Variants in ANKRD26 observed in about 807,000 individuals in gnomAD.
ANKRD26 encodes ankyrin repeat domain 26.
A neutral mutation model predicts 208.7 loss-of-function variants in ANKRD26; 141 were observed. That is an observed-to-expected ratio of 0.68 (90% CI 0.59 to 0.78). The LOEUF (loss-of-function observed/expected upper bound fraction) is 0.78, where lower values mean the gene tolerates loss of function less well. Ranked by LOEUF, ANKRD26 falls within the 30% of genes least tolerant of loss-of-function variation. ANKRD26 has a pLI of 0.00. For synonymous variants in ANKRD26, 636 were observed against 660.4 expected, an observed-to-expected ratio of 0.96 and a Z score of 0.57; for missense variants, 1,889 against 1,938.7, an observed-to-expected ratio of 0.97 and a Z score of 0.48.
At chr10:26,958,483 C>A in the ANKRD26 span, among the ~76,000 whole-genome samples, 1 of 152,020 alleles carries the variant, frequency 6.6e-6, no homozygotes, top group African/African-American at 2.4e-5. Flanking sequence ...GTGTTGTTCC[C>A]CCCAGTGTGC....
At chr10:26,967,056 G>A in the ANKRD26 span, among the ~76,000 whole-genome samples, 5 of 152,288 alleles carry the variant, frequency 3.3e-5, no homozygotes, top group Admixed American at 2.0e-4. Flanking sequence ...ACCCGATGAC[G>A]TGTGAGTATC....
In ANKRD26 at chr10:26,985,829, C is replaced by T. The variant is rs377574127; in HGVS notation, c.490-3016G>A. Among the ~76,000 whole-genome samples the T allele has an allele frequency of 3.3e-5, 5 of 152,052 alleles. No individual in the cohort carries two copies. The East Asian group carries it at 7.7e-4, about 23-fold the overall frequency. On this transcript the variant is annotated intron_variant and NMD_transcript_variant, in intron 3 of 5. Transcript: ENST00000674670. ...ATACTTTCAACAGCCTTGTCTTTTG[C>T]CAGTTGAAAAGCTTGGGTCAGGGAC...
At chr10:27,037,426 A>G in intron 22 of ANKRD26, 103 bp from the exon 23 acceptor site, 1 of 1,239,128 alleles carries the variant, frequency 8.1e-7, no homozygotes, top group Non-Finnish European at 1.1e-6. Flanking sequence ...AGGAAATAGC[A>G]CATTAAAATG....
At chr10:26,956,007 C>T in the ANKRD26 span, among the ~76,000 whole-genome samples, 1 of 152,026 alleles carries the variant, frequency 6.6e-6, no homozygotes, top group Non-Finnish European at 1.5e-5. Flanking sequence ...TATTATTAGT[C>T]TAATTATAAA....
At chr10:27,073,130 C>T (rs2055566183) in intron 9 of ANKRD26, among the ~76,000 whole-genome samples, 1 of 152,202 alleles carries the variant, frequency 6.6e-6, no homozygotes, top group Non-Finnish European at 1.5e-5. Context: ...AGAAACCAGA[C>T]TGCAGGCCTT....
At chr10:27,009,822 C>A (rs1025894469) in intron 32 of ANKRD26, among the ~76,000 whole-genome samples, 1 of 151,970 alleles carries the variant, frequency 6.6e-6, no homozygotes, top group Non-Finnish European at 1.5e-5. Context: ...CTTCAGGTGG[C>A]GGAGGCAGCC....
chr10:27,073,495 C>G (rs575139211), intron 9 of ANKRD26, among the ~76,000 whole-genome samples: 1 of 152,290 alleles, frequency 6.6e-6, no homozygotes, highest in Admixed American at 6.5e-5. Context: ...AACACCTGGT[C>G]AAGAGTGTGA....
downstream of ANKRD26, among the ~76,000 whole-genome samples, chr10:26,989,021 A>T (rs1467545950): frequency 6.6e-6 from 1 of 152,082 alleles, no homozygotes; most frequent in African/African-American, 2.4e-5. Context: ...CCCTTTTGAG[A>T]TAATCTTCTA....
At chr10:26,965,167 T>C in the ANKRD26 span, among the ~76,000 whole-genome samples, 1 of 152,196 alleles carries the variant, frequency 6.6e-6, no homozygotes, top group African/African-American at 2.4e-5. Flanking sequence ...AGAGCCCTCA[T>C]TGCCAAGTCA....
rs147043356 is a variant in ANKRD26, at chr10:27,097,859, G to A, written c.242+2226C>T. ...ACTACAGAAGGGTTTCACTACGTTG[G>A]CCAGGATGGTCTTGAATTCCTGGAC... On this transcript the variant is annotated intron_variant, in intron 1 of 33. Transcript: ENST00000376087. Among the ~76,000 whole-genome samples, 113 of 152,192 alleles carry A rather than the reference G, an allele frequency of 7.4e-4. 2 individuals are homozygous for A. The East Asian group carries it at 0.02, about 27-fold the overall frequency.
chr10:27,008,246 G>C (rs986875372), intron 32 of ANKRD26, among the ~76,000 whole-genome samples: 1 of 151,774 alleles, frequency 6.6e-6, no homozygotes, highest in Non-Finnish European at 1.5e-5. Context: ...AAAAATGTTA[G>C]GTATGAAGAT....
chr10:26,972,992 G>A (rs2052172994), downstream of ANKRD26, among the ~76,000 whole-genome samples: 1 of 152,120 alleles, frequency 6.6e-6, no homozygotes, highest in South Asian at 2.1e-4. Flanking sequence ...ACTACCACTT[G>A]CCATACCATG....
At chr10:26,984,791 G>A (rs1448823178) in intron 3 of ANKRD26, among the ~76,000 whole-genome samples, 1 of 152,138 alleles carries the variant, frequency 6.6e-6, no homozygotes. Flanking sequence ...TGTAAGGAGT[G>A]CCAGGAGGAG....
At chr10:27,081,953 G>A (rs1479698724) in intron 6 of ANKRD26, among the ~76,000 whole-genome samples, 2 of 151,138 alleles carry the variant, frequency 1.3e-5, no homozygotes, top group Non-Finnish European at 2.9e-5. Context: ...AGCCAGGCTG[G>A]TCTCGATCTC....
At chr10:26,947,670 C>A in the ANKRD26 span, among the ~76,000 whole-genome samples, 1 of 152,142 alleles carries the variant, frequency 6.6e-6, no homozygotes, top group African/African-American at 2.4e-5. Flanking sequence ...AGTGAGGAAG[C>A]GGCATGAGCT....
At chr10:27,050,568 C>T (rs2054619414) in intron 16 of ANKRD26, among the ~76,000 whole-genome samples, 1 of 152,206 alleles carries the variant, frequency 6.6e-6, no homozygotes, top group East Asian at 1.9e-4. Context: ...TTTACACACA[C>T]GAAAGCACAT....
downstream of ANKRD26, among the ~76,000 whole-genome samples, chr10:26,989,419 A>G (rs928770220): frequency 1.1e-4 from 16 of 152,214 alleles, no homozygotes; most frequent in African/African-American, 3.9e-4. Context: ...TCCAATTCCA[A>G]AAAGATTCAC....
intron 18 of ANKRD26, among the ~76,000 whole-genome samples, chr10:27,045,233 G>A (rs940184572): frequency 1.3e-5 from 2 of 152,130 alleles, no homozygotes; most frequent in African/African-American, 4.8e-5. Context: ...AGACCAGCTT[G>A]GCCAACATGG....
Position 27,040,066 on chromosome 10 carries a change from G to A in ANKRD26, c.2274C>T (p.Asp758=). Residue 758 remains aspartate, a synonymous_variant, in exon 21 of 34, where the codon GAC becomes GAT. Coordinates refer to ENST00000376087, the MANE Select transcript of ANKRD26 (RefSeq NM_014915.3). ...GCTCCCTTTGTAGTACATTAACCTT[G>A]TCTTCCATTTTTTTAATTTTTACTG... is the stretch of plus-strand genomic sequence containing the variant. ...LLTVKIKKME[D]KVNVLQRELS... 1 of 1,613,074 alleles carries A rather than the reference G, an allele frequency of 6.2e-7. No homozygotes were observed. Among genetic ancestry groups the A allele is most frequent in the African/African-American group, 1.3e-5 (1 of 74,934 alleles).
Sources: allele counts gnomAD v4.1 joint callset (sites outside exome capture counted in the v4.1 genomes callset), GRCh38; gene constraint gnomAD v4.1.1; transcripts MANE v1.5; gene names NCBI Gene and HGNC (gene_info 2026-07-23, HGNC 2026-07-21).